The following MAMDC2 variants were observed in gnomAD, a reference collection of about 807,000 sequenced individuals.
The protein encoded by MAMDC2 is MAM domain containing 2, also known as MAM domain-containing protein 2.
A neutral mutation model predicts 89.8 loss-of-function variants in MAMDC2; 57 were observed. The observed-to-expected ratio is 0.63, with a 90% CI of 0.51 to 0.79. The LOEUF is 0.79. Among genes scored for constraint, MAMDC2 ranks in the 30% least tolerant of loss-of-function variants. MAMDC2 has a pLI of 0.00. For missense variants in MAMDC2, 800 were observed against 820.6 expected, an observed-to-expected ratio of 0.97 and a Z score of 0.31; for synonymous variants, 313 against 293.4, an observed-to-expected ratio of 1.07 and a Z score of -0.68.
intron 11 of MAMDC2, chr9:70,170,953 C>T (rs769353777): frequency 7.2e-6 from 2 of 277,248 alleles, no homozygotes; most frequent in Admixed American, 5.2e-5. Flanking sequence ...GGAGCCAGGG[C>T]CGAGGCCTAA....
At chr9:70,222,257 A>G (rs1296136581) in intron 12 of MAMDC2, among the ~76,000 whole-genome samples, 1 of 152,222 alleles carries the variant, frequency 6.6e-6, no homozygotes, top group African/African-American at 2.4e-5. Context: ...ACCTGGAGTG[A>G]GGGCAGTGTG....
chr9:70,046,199 T>C (rs892481517), intron 2 of MAMDC2, among the ~76,000 whole-genome samples: 2 of 152,186 alleles, frequency 1.3e-5, no homozygotes, highest in Admixed American at 1.3e-4. Context: ...GAGTGTCTGA[T>C]TCAGGGGGCC....
At chr9:70,216,424 GAA>G (rs143292727) in intron 11 of MAMDC2, 10,452 of 152,146 alleles carry the variant, frequency 0.069, 564 homozygotes, top group East Asian at 0.22. Context: ...GTGTGCGCCT[GAA>G]GAGAGAGAGA....
Position 70,144,007 on chromosome 9 carries a change from C to T in MAMDC2, c.1404+188C>T, listed in dbSNP as rs115146110. On this transcript the variant is annotated intron_variant, in intron 9 of 13. Coordinates refer to ENST00000377182, the MANE Select transcript of MAMDC2 (RefSeq NM_153267.5). The stretch of plus-strand genomic sequence containing the variant: ...CAGTTATTTTCTGTTTTCTGGGTCT[C>T]TGAATCACAGCCACCTAGAGAGTTT... Among the ~76,000 whole-genome samples the T allele has an allele frequency of 2.2e-3, 339 of 152,352 alleles. 4 individuals carry two copies. The highest frequency in any genetic ancestry group is 7.3e-3 in the African/African-American group (304 of 41,584).
chr9:70,115,723 T>C (rs2029956288), intron 5 of MAMDC2, among the ~76,000 whole-genome samples: 1 of 152,218 alleles, frequency 6.6e-6, no homozygotes, highest in Admixed American at 6.5e-5. Context: ...TGGGGCCCTT[T>C]GTAGGAACCA....
chr9:70,098,755 G>A (rs565104243), intron 2 of MAMDC2, among the ~76,000 whole-genome samples: 4 of 152,306 alleles, frequency 2.6e-5, no homozygotes, highest in Admixed American at 2.0e-4. Context: ...GAAAAGGCAT[G>A]GACTTTGTGC....
At chr9:70,164,960 TTAATA>T (rs1240693741) in intron 9 of MAMDC2, among the ~76,000 whole-genome samples, 4 of 144,950 alleles carry the variant, frequency 2.8e-5, no homozygotes, top group Non-Finnish European at 6.0e-5. Flanking sequence ...AATTTAATAT[TTAATA>T]TAATATTTAA....
chr9:70,103,310 G>A (rs369412666), intron 2 of MAMDC2, among the ~76,000 whole-genome samples: 5 of 152,142 alleles, frequency 3.3e-5, no homozygotes, highest in South Asian at 2.1e-4. Flanking sequence ...AGTATAGGTC[G>A]GAGGTCTCAT....
At chr9:70,095,378 C>T (rs888792811) in intron 2 of MAMDC2, among the ~76,000 whole-genome samples, 7 of 152,132 alleles carry the variant, frequency 4.6e-5, no homozygotes, top group African/African-American at 1.7e-4. Context: ...TGGAATAATC[C>T]AGACAAAAGA....
intron 11 of MAMDC2, among the ~76,000 whole-genome samples, chr9:70,209,542 G>GTCTA (rs58271219): frequency 6.6e-6 from 1 of 151,310 alleles, no homozygotes; most frequent in African/African-American, 2.4e-5. Flanking sequence ...AGTCTGAGCG[G>GTCTA]TCTATCTATC....
At chr9:70,144,629 T>C (rs543846700) in intron 9 of MAMDC2, among the ~76,000 whole-genome samples, 5 of 152,328 alleles carry the variant, frequency 3.3e-5, no homozygotes, top group South Asian at 2.1e-4. Context: ...GAAAGTGCTA[T>C]CCTTCAAACA....
intron 7 of MAMDC2, among the ~76,000 whole-genome samples, chr9:70,137,664 G>A (rs951806644): frequency 6.6e-6 from 1 of 152,060 alleles, no homozygotes; most frequent in South Asian, 2.1e-4. Context: ...CTGTTTCATC[G>A]GCTCACTGCT....
chr9:70,180,447 C>T (rs2032621608), intron 11 of MAMDC2, among the ~76,000 whole-genome samples: 1 of 152,158 alleles, frequency 6.6e-6, no homozygotes, highest in African/African-American at 2.4e-5. Context: ...ACACTGTCTC[C>T]CACAATGGTT....
intron 4 of MAMDC2, among the ~76,000 whole-genome samples, 169 bp from the exon 5 acceptor site, chr9:70,112,826 G>A (rs6559970): frequency 0.18 from 27,440 of 152,204 alleles, 2,546 homozygotes; most frequent in African/African-American, 0.23. Flanking sequence ...ATTCATTACA[G>A]GATCTGTCTC....
chr9:70,156,071 C>T (rs181923090), intron 9 of MAMDC2, among the ~76,000 whole-genome samples: 1 of 152,212 alleles, frequency 6.6e-6, no homozygotes, highest in East Asian at 1.9e-4. Context: ...TCTCTTCTAC[C>T]TCCTGTTATA....
At chr9:70,203,605 C>T (rs1275758740) in intron 11 of MAMDC2, among the ~76,000 whole-genome samples, 4 of 71,248 alleles carry the variant, frequency 5.6e-5, no homozygotes, top group African/African-American at 1.3e-4. Flanking sequence ...GTTGGCCTGC[C>T]TTGCTAGATT....
chr9:70,074,223 T>C (rs1827476168), intron 2 of MAMDC2, among the ~76,000 whole-genome samples: 1 of 152,210 alleles, frequency 6.6e-6, no homozygotes, highest in African/African-American at 2.4e-5. Context: ...TATGAATGTA[T>C]TTCAGGCAAG....
chr9:70,195,146 C>G (rs912567098), intron 11 of MAMDC2, among the ~76,000 whole-genome samples: 1 of 151,922 alleles, frequency 6.6e-6, no homozygotes, highest in African/African-American at 2.4e-5. Flanking sequence ...CAAATATGGA[C>G]AGGCAAAAAA....
Position 70,198,043 on chromosome 9 carries a change from TA to T in MAMDC2, c.1652-20293del, listed in dbSNP as rs532991099. 1.1e-3 allele frequency among the ~76,000 whole-genome samples: 163 copies of T among 151,556 alleles called. 1 individual carries two copies. In the Middle Eastern group the frequency reaches 0.024, roughly 22 times the overall value. ...CATGTACATAACTCTTAATACAATA[TA>T]TTTTTATAATTGTTCTATTTTTTTA... On this transcript the variant is annotated intron_variant, in intron 11 of 13. Transcript: ENST00000377182.
Sources: allele counts gnomAD v4.1 joint callset (sites outside exome capture counted in the v4.1 genomes callset), GRCh38; gene constraint gnomAD v4.1.1; transcripts MANE v1.5; gene names NCBI Gene and HGNC (gene_info 2026-07-23, HGNC 2026-07-21).